The following ATG7 variants were observed in gnomAD, a reference collection of about 807,000 sequenced individuals.
The protein encoded by ATG7 is autophagy related 7.
Under a neutral mutation model 82.4 loss-of-function variants are expected in ATG7, and 70 were observed. The observed-to-expected ratio is 0.85, with a 90% CI of 0.70 to 1.04. The LOEUF (loss-of-function observed/expected upper bound fraction) is 1.04. ATG7 is among the 50% of genes least tolerant of loss of function. The pLI, the probability that ATG7 is intolerant of heterozygous loss-of-function variation, is 0.00. For synonymous variants in ATG7, 287 were observed against 313.0 expected, an observed-to-expected ratio of 0.92 and a Z score of 0.88; for missense variants, 792 against 864.3, an observed-to-expected ratio of 0.92 and a Z score of 1.05.
rs761281822 is a variant in ATG7 at position 11,342,095 on chromosome 3, A to C, written c.981-40A>C. On this transcript the variant is annotated intron_variant, in intron 12 of 20. Transcript: ENST00000693202. ...AAATCTTTCAGAACAAGATTATTGCATAAAGGAGTGACTGAATAAGTAAAT... is the reference window on the plus strand; with the variant it reads ...AAATCTTTCAGAACAAGATTATTGCCTAAAGGAGTGACTGAATAAGTAAAT... 10 of 1,583,456 alleles carry C rather than the reference A, an allele frequency of 6.3e-6. No individual in the cohort carries two copies. The South Asian group carries it at 1.0e-4, about 16-fold the overall frequency.
intron 20 of ATG7, among the ~76,000 whole-genome samples, chr3:11,553,550 C>CT (rs1311091457): frequency 6.6e-6 from 1 of 152,224 alleles, no homozygotes; most frequent in East Asian, 1.9e-4. Context: ...CAGTCCCACC[C>CT]TGGGGGAGTT....
chr3:11,561,242 A>G (rs1198473490), downstream of ATG7, among the ~76,000 whole-genome samples: 1 of 152,182 alleles, frequency 6.6e-6, no homozygotes, highest in Admixed American at 6.5e-5. Context: ...TTTCGAGCAC[A>G]GGGAGGGGGA....
chr3:11,322,332 C>T (rs910646318), intron 9 of ATG7, among the ~76,000 whole-genome samples: 10 of 152,198 alleles, frequency 6.6e-5, no homozygotes, highest in Middle Eastern at 3.4e-3. Flanking sequence ...AATAGCTCAC[C>T]ACCTGCAGTT....
intron 20 of ATG7, among the ~76,000 whole-genome samples, chr3:11,431,383 C>T (rs1016217770): frequency 2.0e-5 from 3 of 151,994 alleles, no homozygotes; most frequent in African/African-American, 2.4e-5. Context: ...CCTGCAAGGG[C>T]GGGGGGAAAA....
intron 19 of ATG7, among the ~76,000 whole-genome samples, chr3:11,388,993 A>G (rs1379958529): frequency 6.6e-6 from 1 of 152,104 alleles, no homozygotes; most frequent in Non-Finnish European, 1.5e-5. Context: ...CACACCTGTA[A>G]TATCAGCACT....
At chr3:11,368,509 A>G (rs1187343789) in intron 18 of ATG7, among the ~76,000 whole-genome samples, 1 of 152,052 alleles carries the variant, frequency 6.6e-6, no homozygotes, top group Non-Finnish European at 1.5e-5. Context: ...TGAGGTGACA[A>G]GGCTAGGCAC....
rs139991822 is a variant in ATG7, at chr3:11,383,128, A to G, written c.1956+3076A>G. Among the ~76,000 whole-genome samples, 156 of 152,312 alleles carry G rather than the reference A, an allele frequency of 1.0e-3. 1 individual carries two copies. The highest frequency in any genetic ancestry group is 3.5e-3 in the African/African-American group (147 of 41,576). On this transcript the variant is annotated intron_variant, in intron 19 of 20. Transcript: ENST00000693202. ...TTCTAATCCACAGTCTGTGTATTCA[A>G]TGTTGTTGTTTATACCAGTTAATGT...
intron 3 of ATG7, among the ~76,000 whole-genome samples, chr3:11,286,767 A>C (rs1944135067): frequency 1.3e-5 from 2 of 150,902 alleles, no homozygotes; most frequent in South Asian, 4.2e-4. Flanking sequence ...TGCCCAGCTA[A>C]CTTTTTAAAT....
intron 13 of ATG7, among the ~76,000 whole-genome samples, 182 bp downstream of exon 13, chr3:11,342,461 A>G (rs1296446857): frequency 6.6e-6 from 1 of 152,132 alleles, no homozygotes; most frequent in East Asian, 1.9e-4. Flanking sequence ...ATCAGATAGA[A>G]ACAGAAAGTC....
rs78184606 is a variant in ATG7, at chr3:11,382,863, T to C, written c.1956+2811T>C. 1.9e-3 allele frequency among the ~76,000 whole-genome samples: 294 copies of C among 152,344 alleles called. 6 individuals are homozygous for C. The East Asian group carries it at 0.045, about 23-fold the overall frequency. ...GTACAAGGAACTCCGGTATACACTT[T>C]ACCCACATTCATCCATTGTTAACAT... On this transcript the variant is annotated intron_variant, in intron 19 of 20. Transcript: ENST00000693202.
intron 20 of ATG7, among the ~76,000 whole-genome samples, chr3:11,520,247 G>A (rs928850749): frequency 2.0e-5 from 3 of 152,114 alleles, no homozygotes; most frequent in African/African-American, 4.8e-5. Context: ...TCCACACCTC[G>A]ATATGCTCCT....
chr3:11,274,860 T>C (rs1348505727), intron 1 of ATG7, among the ~76,000 whole-genome samples: 1 of 151,980 alleles, frequency 6.6e-6, no homozygotes, highest in Non-Finnish European at 1.5e-5. Flanking sequence ...GCCCAGAAGT[T>C]TGGACTCTAA....
chr3:11,276,104 C>T (rs1436810327), intron 1 of ATG7, among the ~76,000 whole-genome samples: 1 of 152,178 alleles, frequency 6.6e-6, no homozygotes, highest in African/African-American at 2.4e-5. Flanking sequence ...TATCCTCAGG[C>T]AGCTCTCTTG....
chr3:11,332,984 C>G lies in ATG7; in HGVS notation c.780C>G (p.Phe260Leu), dbSNP rs747440121. ...GGCATGACAACAGGAGTAGCAGTTT[C>G]CAGTCTGTTGAAGTTGTTTGCTTCC... ...VLAAHRWSSS[F>L]QSVEVVCFRD... Residue 260 changes from phenylalanine (F) to leucine (L), a missense_variant, in exon 11 of 21, where the codon TTC becomes TTG. Phe to Leu is a conservative substitution (Grantham distance 22, BLOSUM62 0). Transcript: ENST00000693202. 1.3e-6 allele frequency: 2 copies of G among 1,544,848 alleles called. No homozygotes were observed. The highest frequency in any genetic ancestry group is 1.7e-6 in the Non-Finnish European group (2 of 1,146,234).
At chr3:11,354,012 A>G (rs2075753873) in intron 14 of ATG7, among the ~76,000 whole-genome samples, 1 of 151,786 alleles carries the variant, frequency 6.6e-6, no homozygotes, top group Non-Finnish European at 1.5e-5. Context: ...AGCCTTAAAC[A>G]CTCCCTCAGA....
chr3:11,492,717 G>A (rs1049632115), intron 20 of ATG7, among the ~76,000 whole-genome samples: 11 of 152,130 alleles, frequency 7.2e-5, no homozygotes, highest in South Asian at 4.1e-4. Context: ...GGAACTAGCC[G>A]GTCACTTTAG....
intron 19 of ATG7, among the ~76,000 whole-genome samples, chr3:11,425,946 G>A (rs894905491): frequency 2.6e-5 from 4 of 152,076 alleles, no homozygotes; most frequent in South Asian, 2.1e-4. Context: ...ATGTTTGAAG[G>A]TAGTTTGTTC....
Position 11,490,648 on chromosome 3 carries a change from C to T in ATG7, c.2079+63722C>T, listed in dbSNP as rs1035277542. Among the ~76,000 whole-genome samples the T allele has an allele frequency of 3.2e-4, 48 of 152,214 alleles. 2 individuals are homozygous for T. In the Middle Eastern group the frequency reaches 0.02, roughly 65 times the overall value. On this transcript the variant is annotated intron_variant, in intron 20 of 20. Coordinates refer to ENST00000693202, the MANE Select transcript of ATG7 (RefSeq NM_001349232.2). ...CCATGTTTAGTGGTTCCTTCAGGAG[C>T]TCTTTTAGGGCAGGCCTGGTGGTGA...
At chr3:11,307,858 C>T (rs903806151) in intron 6 of ATG7, among the ~76,000 whole-genome samples, 1 of 152,204 alleles carries the variant, frequency 6.6e-6, no homozygotes, top group African/African-American at 2.4e-5. Context: ...AGGCTTCCTT[C>T]ACATCCCTCG....
Sources: allele counts gnomAD v4.1 joint callset (sites outside exome capture counted in the v4.1 genomes callset), GRCh38; gene constraint gnomAD v4.1.1; transcripts MANE v1.5; gene names NCBI Gene and HGNC (gene_info 2026-07-23, HGNC 2026-07-21).